AK9: variants seen among roughly 807,000 people sequenced by gnomAD.
AK9 encodes adenylate kinase 9.
A neutral mutation model predicts 239.6 loss-of-function variants in AK9; 191 were observed. The observed-to-expected ratio is 0.80, with a 90% CI of 0.71 to 0.90. The LOEUF is 0.90. Ranked by LOEUF, AK9 falls within the 40% of genes least tolerant of loss-of-function variation. AK9 has a pLI of 0.00. For synonymous variants in AK9, 689 were observed against 721.0 expected, an observed-to-expected ratio of 0.96 and a Z score of 0.71; for missense variants, 1,995 against 2,214.7, an observed-to-expected ratio of 0.90 and a Z score of 1.99.
At position 109,506,315 on chromosome 6, in the gene AK9, G is replaced by T. The variant is rs1778113781; in HGVS notation, c.4849+12C>A. The stretch of plus-strand genomic sequence containing the variant: ...TTAATATTTTATTCTACCTTAAAAA[G>T]TGCTATCTTACCTGCTTTTATTCTT... On this transcript the variant is annotated intron_variant, in intron 35 of 40. Coordinates refer to ENST00000424296, the MANE Select transcript of AK9 (RefSeq NM_001145128.3). 1 of 1,607,906 alleles carries T rather than the reference G, an allele frequency of 6.2e-7. No individual in the cohort carries two copies. The highest frequency in any genetic ancestry group is 1.1e-5 in the South Asian group (1 of 90,854).
chr6:109,571,856 A>C (rs1263926170), intron 21 of AK9, among the ~76,000 whole-genome samples: 8 of 152,202 alleles, frequency 5.3e-5, no homozygotes, highest in African/African-American at 1.9e-4. Flanking sequence ...TATAAGGAAT[A>C]ATTGACAAAA....
intron 24 of AK9, among the ~76,000 whole-genome samples, chr6:109,556,148 G>T (rs1279495901): frequency 6.6e-6 from 1 of 152,180 alleles, no homozygotes; most frequent in African/African-American, 2.4e-5. Context: ...GCTGGTACCA[G>T]TTTTTCCTTT....
intron 7 of AK9, among the ~76,000 whole-genome samples, chr6:109,658,218 T>C (rs150134934): frequency 6.6e-6 from 1 of 152,276 alleles, no homozygotes; most frequent in Non-Finnish European, 1.5e-5. Flanking sequence ...CATTTCAAAG[T>C]GGCTCAATAC....
At chr6:109,675,988 C>CAA (rs1771696055) in intron 1 of AK9, among the ~76,000 whole-genome samples, 3 of 152,024 alleles carry the variant, frequency 2.0e-5, no homozygotes, top group African/African-American at 7.2e-5. Context: ...AAAGAGAGCT[C>CAA]AAAGTGTTTC....
chr6:109,655,675 T>G (rs1799593849), intron 8 of AK9, among the ~76,000 whole-genome samples: 1 of 152,222 alleles, frequency 6.6e-6, no homozygotes, highest in African/African-American at 2.4e-5. Context: ...GTGCTTGTTC[T>G]TAAAAAGATA....
At chr6:109,543,559 T>C (rs998540976) in intron 26 of AK9, among the ~76,000 whole-genome samples, 1 of 152,058 alleles carries the variant, frequency 6.6e-6, no homozygotes, top group African/African-American at 2.4e-5. Context: ...GTGATTCTCC[T>C]GCCTTAGCCT....
At chr6:109,646,708 G>A (rs1798111833) in intron 8 of AK9, among the ~76,000 whole-genome samples, 1 of 152,104 alleles carries the variant, frequency 6.6e-6, no homozygotes, top group Non-Finnish European at 1.5e-5. Flanking sequence ...AGCAAGGCAG[G>A]CCAACATTCA....
intron 6 of AK9, among the ~76,000 whole-genome samples, chr6:109,661,948 G>C (rs1800476898): frequency 6.6e-6 from 1 of 152,148 alleles, no homozygotes; most frequent in African/African-American, 2.4e-5. Flanking sequence ...TTAGGAACAA[G>C]ACCCAACCTT....
chr6:109,618,790 C>T (rs1312603685), intron 13 of AK9, among the ~76,000 whole-genome samples: 1 of 152,140 alleles, frequency 6.6e-6, no homozygotes, highest in Non-Finnish European at 1.5e-5. Flanking sequence ...GTTTTAATGA[C>T]TGGTGTAGAT....
chr6:109,521,060 ACTT>A (rs1197908138), intron 29 of AK9, among the ~76,000 whole-genome samples: 1 of 151,926 alleles, frequency 6.6e-6, no homozygotes, highest in Non-Finnish European at 1.5e-5. Context: ...AGATAGTTTA[ACTT>A]CTTTTCTTAT....
chr6:109,675,257 G>A (rs1771539039), intron 2 of AK9, among the ~76,000 whole-genome samples: 1 of 152,166 alleles, frequency 6.6e-6, no homozygotes, highest in African/African-American at 2.4e-5. Context: ...GTTTTGGTAA[G>A]TTAATTTCAT....
At chr6:109,603,438 G>A (rs1003466906) in intron 17 of AK9, among the ~76,000 whole-genome samples, 7 of 152,146 alleles carry the variant, frequency 4.6e-5, no homozygotes, top group East Asian at 1.9e-4. Flanking sequence ...TGGAAGCTTC[G>A]TCTCAGAGGG....
intron 20 of AK9, 29 bp downstream of exon 20, chr6:109,579,521 C>T: frequency 6.5e-7 from 1 of 1,530,542 alleles, no homozygotes; most frequent in Non-Finnish European, 8.9e-7. Context: ...TACCATGACA[C>T]ATCATCAGTC....
At chr6:109,620,073 T>A (rs368619642) in intron 12 of AK9, among the ~76,000 whole-genome samples, 1 of 152,094 alleles carries the variant, frequency 6.6e-6, no homozygotes, top group Non-Finnish European at 1.5e-5. Context: ...GACATTTGGG[T>A]TGTGTTCTAG....
At chr6:109,639,118 G>A (rs974347548) in intron 10 of AK9, among the ~76,000 whole-genome samples, 3 of 152,198 alleles carry the variant, frequency 2.0e-5, no homozygotes, top group African/African-American at 7.2e-5. Flanking sequence ...ACATAGGCGT[G>A]CATGTGTCCT....
chr6:109,675,905 T>A (rs1771661441), intron 1 of AK9, 149 bp from the exon 2 acceptor site: 4 of 494,666 alleles, frequency 8.1e-6, no homozygotes, highest in Non-Finnish European at 3.6e-6. Flanking sequence ...TGCAAATAAG[T>A]TTAACTCATT....
In AK9 at chr6:109,562,650, T is replaced by C. The variant is rs573736684; in HGVS notation, c.2751+947A>G. 1.2e-4 allele frequency among the ~76,000 whole-genome samples: 19 copies of C among 152,254 alleles called. 1 individual carries two copies. In the East Asian group the frequency reaches 3.7e-3, roughly 29 times the overall value. ...GATCCTTTTGGCTCTTGCTTTTTGA[T>C]GGGGGGGCCAAAGTTTCATTTATGC... On this transcript the variant is annotated intron_variant, in intron 24 of 40. Coordinates refer to ENST00000424296, the MANE Select transcript of AK9 (RefSeq NM_001145128.3).
At chr6:109,571,185 A>C (rs1381380831) in intron 21 of AK9, among the ~76,000 whole-genome samples, 1 of 152,190 alleles carries the variant, frequency 6.6e-6, no homozygotes, top group African/African-American at 2.4e-5. Flanking sequence ...TCTCAAGAAT[A>C]GGGTCATGTG....
At chr6:109,559,263 G>A (rs1023035180) in intron 24 of AK9, among the ~76,000 whole-genome samples, 3 of 151,874 alleles carry the variant, frequency 2.0e-5, no homozygotes, top group African/African-American at 7.2e-5. Flanking sequence ...TGCCTCCCGG[G>A]TTCATGCCAT....
Sources: allele counts gnomAD v4.1 joint callset (sites outside exome capture counted in the v4.1 genomes callset), GRCh38; gene constraint gnomAD v4.1.1; transcripts MANE v1.5; gene names NCBI Gene and HGNC (gene_info 2026-07-23, HGNC 2026-07-21).